RAD54B: variants seen among roughly 807,000 people sequenced by gnomAD.
RAD54B encodes DNA repair and recombination protein RAD54B.
A neutral mutation model predicts 95.8 loss-of-function variants in RAD54B; 78 were observed. That is an observed-to-expected ratio of 0.81 (90% CI 0.68 to 0.98). The LOEUF (loss-of-function observed/expected upper bound fraction) is 0.98, where lower values mean the gene tolerates loss of function less well. RAD54B is among the 50% of genes least tolerant of loss of function. The pLI, the probability that RAD54B is intolerant of heterozygous loss-of-function variation, is 0.00. For synonymous variants in RAD54B, 328 were observed against 354.9 expected, an observed-to-expected ratio of 0.92 and a Z score of 0.85; for missense variants, 957 against 1,056.6, an observed-to-expected ratio of 0.91 and a Z score of 1.31.
rs76092754 is a variant in RAD54B at position 94,400,657 on chromosome 8, A to G, written c.945-194T>C. On this transcript the variant is annotated intron_variant, in intron 6 of 14. Transcript: ENST00000336148. ...ATATTGTCAACTAAATTACCAAAAC[A>G]TAAATCTGAAATTAGAGAGTTGAAT... Among the ~76,000 whole-genome samples, 1,470 of 152,332 alleles carry G rather than the reference A, an allele frequency of 9.6e-3. 22 individuals carry two copies. The highest frequency in any genetic ancestry group is 0.033 in the African/African-American group (1,385 of 41,588).
rs749850768 is a variant in RAD54B, at chr8:94,393,865, C to A, written c.1396G>T (p.Asp466Tyr). The A allele has an allele frequency of 1.2e-6, 2 of 1,606,090 alleles. No homozygotes were observed. Among genetic ancestry groups the A allele is most frequent in the Admixed American group, 3.4e-5 (2 of 58,420 alleles). The change falls in exon 9 of 15, where the codon GAT becomes TAT. Residue 466 changes from aspartate (D) to tyrosine (Y), a missense_variant. Transcript: ENST00000336148. ...IILTGTPIQN[D>Y]LQEFFALIDF... ...ATTAATGCAAAAAATTCTTGCAGAT[C>A]ATTCTGAATTGGAGTACCTAAAGAG...
chr8:94,388,489 A>C (rs905958143), intron 10 of RAD54B, among the ~76,000 whole-genome samples: 4 of 152,204 alleles, frequency 2.6e-5, no homozygotes, highest in Non-Finnish European at 4.4e-5. Context: ...CAAAAGTCAT[A>C]CAAGTTATAA....
At chr8:94,474,788 C>T (rs565578576) in intron 1 of RAD54B, among the ~76,000 whole-genome samples, 1 of 152,316 alleles carries the variant, frequency 6.6e-6, no homozygotes, top group South Asian at 2.1e-4. Flanking sequence ...ACCCCCACCG[C>T]CCGCCCTTCG....
At chr8:94,471,375 A>G (rs1177704450) in intron 1 of RAD54B, among the ~76,000 whole-genome samples, 1 of 152,168 alleles carries the variant, frequency 6.6e-6, no homozygotes, top group Non-Finnish European at 1.5e-5. Flanking sequence ...TCTAATTTTT[A>G]CAAAAGAAAA....
At chr8:94,421,928 G>T (rs1462587956) in intron 3 of RAD54B, among the ~76,000 whole-genome samples, 1 of 152,180 alleles carries the variant, frequency 6.6e-6, no homozygotes, top group Non-Finnish European at 1.5e-5. Flanking sequence ...ATGTGAATCT[G>T]ATAAAGTATC....
chr8:94,452,109 A>G (rs2930970), intron 3 of RAD54B, among the ~76,000 whole-genome samples: 63,169 of 152,086 alleles, frequency 0.42, 13,347 homozygotes, highest in Admixed American at 0.51. Flanking sequence ...GGTGAAAGAG[A>G]AATGGCAACT....
Position 94,378,348 on chromosome 8 carries a change from T to G in RAD54B, c.2347A>C (p.Ile783Leu). 6.2e-7 allele frequency: 1 copy of G among 1,614,012 alleles called. No homozygotes were observed. Among genetic ancestry groups the G allele is most frequent in the Non-Finnish European group, 8.5e-7 (1 of 1,179,952 alleles). ...TIEEKIYQRQISKQGLCGAVV... is the reference protein window; with the variant it reads ...TIEEKIYQRQLSKQGLCGAVV... ...GCCCCACAAAGACCTTGCTTACTGA[T>G]CTGCCTTTGATAGATCTTTTCTTCT... The change falls in exon 14 of 15, where the codon ATC (isoleucine) becomes CTC (leucine). Residue 783 changes from isoleucine (I) to leucine (L), a missense_variant. By Grantham distance (5) the Ile-to-Leu change is conservative. Coordinates refer to ENST00000336148, the MANE Select transcript of RAD54B (RefSeq NM_012415.3).
At chr8:94,448,953 T>C (rs781480293) in intron 3 of RAD54B, among the ~76,000 whole-genome samples, 2 of 152,222 alleles carry the variant, frequency 1.3e-5, no homozygotes, top group Middle Eastern at 3.4e-3. Flanking sequence ...ACAGTATATG[T>C]GATGAGTAAT....
chr8:94,439,543 C>T (rs1039238662), intron 3 of RAD54B, among the ~76,000 whole-genome samples: 1 of 152,166 alleles, frequency 6.6e-6, no homozygotes, highest in Non-Finnish European at 1.5e-5. Context: ...ACACAGCCCT[C>T]AGGTGGCCCT....
At position 94,451,053 on chromosome 8, in the gene RAD54B, G is replaced by A. The variant is rs992547104; in HGVS notation, c.304+7215C>T. Among the ~76,000 whole-genome samples the A allele has an allele frequency of 5.9e-5, 9 of 152,102 alleles. No homozygotes were observed. The South Asian group carries it at 6.3e-4, about 11-fold the overall frequency. Reference sequence around the variant, plus strand: ...TAGATGTAATCATATATAGATTTTCGAGTTTTGACTGCTAGAAGAGCTAAA... The same window carrying A: ...TAGATGTAATCATATATAGATTTTCAAGTTTTGACTGCTAGAAGAGCTAAA... On this transcript the variant is annotated intron_variant, in intron 3 of 14. Coordinates refer to ENST00000336148, the MANE Select transcript of RAD54B (RefSeq NM_012415.3).
At chr8:94,432,696 TGAA>T in intron 3 of RAD54B, 1 of 1,414,170 alleles carries the variant, frequency 7.1e-7, no homozygotes, top group East Asian at 2.5e-5. Flanking sequence ...GTAAATCAAA[TGAA>T]GAAAAAGTGT....
intron 8 of RAD54B, among the ~76,000 whole-genome samples, chr8:94,395,146 G>A (rs965365162): frequency 1.3e-5 from 2 of 152,126 alleles, no homozygotes; most frequent in Non-Finnish European, 2.9e-5. Context: ...AACCCCAAAT[G>A]ATTAAGTCAA....
intron 3 of RAD54B, among the ~76,000 whole-genome samples, chr8:94,421,949 A>C (rs1487703874): frequency 6.6e-6 from 1 of 152,232 alleles, no homozygotes; most frequent in Non-Finnish European, 1.5e-5. Flanking sequence ...CCTCTTGCTT[A>C]AAATCCATGA....
intron 3 of RAD54B, among the ~76,000 whole-genome samples, chr8:94,449,823 A>T (rs1046156697): frequency 1.3e-5 from 2 of 152,176 alleles, no homozygotes; most frequent in Non-Finnish European, 2.9e-5. Flanking sequence ...CAAGGCAGGA[A>T]TTCAAAAGAA....
intron 3 of RAD54B, among the ~76,000 whole-genome samples, chr8:94,444,689 C>T (rs75629827): frequency 0.035 from 5,392 of 152,288 alleles, 146 homozygotes; most frequent in Non-Finnish European, 0.054. Flanking sequence ...TCCAGTCTGT[C>T]TGGAGAAGTT....
chr8:94,429,608 T>C (rs911461064), intron 3 of RAD54B: 1 of 983,374 alleles, frequency 1.0e-6, no homozygotes, highest in African/African-American at 1.7e-5. Flanking sequence ...TGCCAAGATG[T>C]GTTTACTAGA....
chr8:94,448,021 T>A (rs187636894), intron 3 of RAD54B, among the ~76,000 whole-genome samples: 36 of 152,300 alleles, frequency 2.4e-4, no homozygotes, highest in Non-Finnish European at 2.1e-4. Flanking sequence ...TATAAAAATA[T>A]ATTCTTTTTG....
chr8:94,468,151 T>G (rs138197802), intron 1 of RAD54B: 2 of 152,344 alleles, frequency 1.3e-5, no homozygotes, highest in Non-Finnish European at 2.9e-5. Flanking sequence ...CACTTCAAGA[T>G]GTCTCACCTT....
At chr8:94,408,966 T>C (rs935081291) in intron 4 of RAD54B, among the ~76,000 whole-genome samples, 6 of 152,034 alleles carry the variant, frequency 3.9e-5, no homozygotes, top group African/African-American at 1.4e-4. Context: ...GCTAGAAGCT[T>C]TTCTTTTACT....
Sources: gnomAD v4.1 joint callset for allele counts (sites outside exome capture counted in the v4.1 genomes callset) on GRCh38, gnomAD v4.1.1 for gene constraint, MANE v1.5 for transcripts, NCBI Gene and HGNC (gene_info 2026-07-23, HGNC 2026-07-21) for gene names.